Variants in LRRC37A2 observed in about 807,000 individuals in gnomAD.
LRRC37A2 encodes the protein leucine-rich repeat-containing protein 37A2.
A neutral mutation model predicts 68.8 loss-of-function variants in LRRC37A2; 9 were observed. The ratio of observed to expected loss-of-function variants is 0.13; its 90% CI spans 0.08 to 0.23. The LOEUF (loss-of-function observed/expected upper bound fraction) is 0.23. Among genes scored for constraint, LRRC37A2 ranks in the 10% least tolerant of loss-of-function variants. The pLI is 1.00. For missense variants in LRRC37A2, 168 were observed against 950.4 expected (o/e 0.18, Z 10.82); for synonymous variants, 63 against 367.6 (o/e 0.17, Z 9.48).
At chr17:46,494,841 G>T in the LRRC37A2 span, among the ~76,000 whole-genome samples, 1 of 151,076 alleles carries the variant, frequency 6.6e-6, no homozygotes, top group African/African-American at 2.5e-5. Context: ...GATAACAAAT[G>T]TTCTAGCTAT....
At chr17:47,018,503 G>T in the LRRC37A2 span, 1 of 1,522,398 alleles carries the variant, frequency 6.6e-7, no homozygotes, top group East Asian at 2.3e-5. Context: ...TCCACCAGCA[G>T]GCTACAGCTC....
At chr17:46,720,758 A>G in the LRRC37A2 span, among the ~76,000 whole-genome samples, 1 of 152,208 alleles carries the variant, frequency 6.6e-6, no homozygotes, top group African/African-American at 2.4e-5. Context: ...ACTTCACGCC[A>G]AGTACTTCAG....
At chr17:46,773,678 G>A in the LRRC37A2 span, 1 of 1,609,904 alleles carries the variant, frequency 6.2e-7, no homozygotes, top group Non-Finnish European at 8.5e-7. Flanking sequence ...CTTTGTCGAG[G>A]ACGGGCCCAA....
the LRRC37A2 span, among the ~76,000 whole-genome samples, chr17:46,974,371 A>AT: frequency 9.2e-5 from 14 of 152,300 alleles, no homozygotes; most frequent in East Asian, 2.7e-3. Flanking sequence ...CAGAATCTTA[A>AT]TTTCCTCTCC....
At chr17:46,957,953 C>T in the LRRC37A2 span, among the ~76,000 whole-genome samples, 2 of 152,106 alleles carry the variant, frequency 1.3e-5, no homozygotes, top group African/African-American at 4.8e-5. Context: ...GAGAGGGAGT[C>T]GGAGATCTGA....
At chr17:46,559,164 AG>A (rs1365081960), downstream of LRRC37A2, 2 of 57,226 alleles carry the variant, frequency 3.5e-5, no homozygotes, top group Admixed American at 1.9e-4. Flanking sequence ...CCCGGAGGTC[AG>A]GGCCTCTCGC....
chr17:46,874,860 G>A, the LRRC37A2 span: 8 of 641,434 alleles, frequency 1.2e-5, no homozygotes, highest in African/African-American at 7.3e-5. Context: ...TTAGGGGCAC[G>A]AGCCACTGTG....
chr17:47,017,831 T>G, the LRRC37A2 span: 8 of 1,610,284 alleles, frequency 5.0e-6, no homozygotes, highest in Middle Eastern at 2.1e-4. Flanking sequence ...CTGAGCAAGT[T>G]GGACCTTCTC....
At chr17:46,697,188 A>G in the LRRC37A2 span, among the ~76,000 whole-genome samples, 1 of 145,178 alleles carries the variant, frequency 6.9e-6, no homozygotes, top group Middle Eastern at 3.6e-3. Context: ...TAATGAGCAC[A>G]TGGTAGGTGT....
At chr17:46,718,270 C>T in the LRRC37A2 span, among the ~76,000 whole-genome samples, 4 of 152,176 alleles carry the variant, frequency 2.6e-5, no homozygotes, top group African/African-American at 9.7e-5. Flanking sequence ...CAGACTGGCC[C>T]TCGAGGGCAC....
chr17:46,782,502 G>C, the LRRC37A2 span, among the ~76,000 whole-genome samples: 1 of 152,216 alleles, frequency 6.6e-6, no homozygotes, highest in Non-Finnish European at 1.5e-5. Flanking sequence ...ACTTCTAGAA[G>C]GGAAAGGAAA....
At chr17:47,001,196 CT>C in the LRRC37A2 span, among the ~76,000 whole-genome samples, 1 of 152,024 alleles carries the variant, frequency 6.6e-6, no homozygotes, top group African/African-American at 2.4e-5. Flanking sequence ...TCAGCTCTAA[CT>C]GAGTATTATG....
At chr17:46,949,603 C>T in the LRRC37A2 span, among the ~76,000 whole-genome samples, 2 of 152,158 alleles carry the variant, frequency 1.3e-5, no homozygotes, top group East Asian at 1.9e-4. Context: ...ATGATGCTCA[C>T]GTCTAGCTGG....
At chr17:46,826,933 C>T in the LRRC37A2 span, among the ~76,000 whole-genome samples, 3 of 152,118 alleles carry the variant, frequency 2.0e-5, no homozygotes, top group Non-Finnish European at 2.9e-5. Flanking sequence ...CAAGCTACCA[C>T]GCCTGGATAA....
chr17:46,457,968 A>G, the LRRC37A2 span, among the ~76,000 whole-genome samples: 2 of 49,470 alleles, frequency 4.0e-5, no homozygotes, highest in Admixed American at 1.5e-4. Context: ...CGAACATTCT[A>G]TTGGTTCTGT....
At chr17:46,671,806 T>G in the LRRC37A2 span, among the ~76,000 whole-genome samples, 1 of 135,680 alleles carries the variant, frequency 7.4e-6, no homozygotes, top group Non-Finnish European at 1.7e-5. Context: ...GCATTTTCTG[T>G]GTACAGAAGC....
At chr17:46,769,737 C>T in the LRRC37A2 span, 7 of 1,600,740 alleles carry the variant, frequency 4.4e-6, no homozygotes, top group South Asian at 1.1e-5. Flanking sequence ...GGAGGGGAAG[C>T]GGGGGGCTGC....
the LRRC37A2 span, among the ~76,000 whole-genome samples, chr17:46,894,952 G>A: frequency 6.6e-6 from 1 of 152,218 alleles, no homozygotes; most frequent in Non-Finnish European, 1.5e-5. Flanking sequence ...CCGGGCAGGG[G>A]CCTGTGCTCG....
the LRRC37A2 span, among the ~76,000 whole-genome samples, chr17:46,985,572 A>T: frequency 3.3e-5 from 5 of 152,022 alleles, no homozygotes; most frequent in African/African-American, 1.2e-4. Context: ...TTGGGTGTCT[A>T]TGCAGTAGCA....
Sources: allele counts gnomAD v4.1 joint callset (sites outside exome capture counted in the v4.1 genomes callset), GRCh38; gene constraint gnomAD v4.1.1; transcripts MANE v1.5; gene names NCBI Gene and HGNC (gene_info 2026-07-23, HGNC 2026-07-21).